ZNF710: variants seen among roughly 807,000 people sequenced by gnomAD.
The protein encoded by ZNF710 is zinc finger protein 710.
ZNF710 carries 13 observed loss-of-function variants against 50.6 expected under a neutral mutation model. The observed-to-expected ratio is 0.26, with a 90% CI of 0.17 to 0.41. ZNF710 has a LOEUF of 0.41. Among genes scored for constraint, ZNF710 ranks in the 10% least tolerant of loss-of-function variants. The pLI is 1.00. For synonymous variants in ZNF710, 383 were observed against 397.0 expected, an observed-to-expected ratio of 0.96 and a Z score of 0.42; for missense variants, 721 against 936.6, an observed-to-expected ratio of 0.77 and a Z score of 3.01.
intron 1 of ZNF710, among the ~76,000 whole-genome samples, chr15:90,015,154 G>C (rs746661433): frequency 2.6e-5 from 4 of 152,132 alleles, no homozygotes; most frequent in Non-Finnish European, 4.4e-5. Context: ...GCCTCCCAAA[G>C]TGCTGGGATT....
chr15:90,038,030 G>A (rs555863603), intron 1 of ZNF710, among the ~76,000 whole-genome samples: 77 of 152,314 alleles, frequency 5.1e-4, no homozygotes, highest in African/African-American at 1.8e-3. Flanking sequence ...TGCTGGGGCC[G>A]CTAAGTGGTG....
At chr15:90,009,260 C>A (rs1381387855) in intron 1 of ZNF710, among the ~76,000 whole-genome samples, 1 of 151,962 alleles carries the variant, frequency 6.6e-6, no homozygotes, top group Non-Finnish European at 1.5e-5. Context: ...AATGTCCTCG[C>A]AAGGACCAAG....
rs771523150 is a variant in ZNF710 at position 90,073,105 on chromosome 15, G to A, written c.1493G>A (p.Arg498Gln). The A allele has an allele frequency of 4.3e-6, 7 of 1,614,054 alleles. No homozygotes were observed. Among genetic ancestry groups the A allele is most frequent in the Non-Finnish European group, 5.1e-6 (6 of 1,180,020 alleles). ...GAGTTCAAGTGCGAGGTGTGTGGCC[G>A]GGAGTTCACCCTACAGGCGAACATG... ...VKEFKCEVCG[R>Q]EFTLQANMKR... is the part of the protein sequence containing the mutation. Residue 498 changes from arginine to glutamine, a missense_variant, in exon 3 of 5, where the codon CGG (arginine) becomes CAG (glutamine). By Grantham distance (43) the Arg-to-Gln change is conservative. Around this residue, in one of 3 missense-constraint regions of ZNF710, gnomAD observed 326 missense variants for 522.0 expected, o/e 0.62. Coordinates refer to ENST00000268154, the MANE Select transcript of ZNF710 (RefSeq NM_198526.4).
intron 1 of ZNF710, among the ~76,000 whole-genome samples, chr15:90,002,289 C>G (rs966633590): frequency 8.6e-5 from 13 of 151,646 alleles, no homozygotes; most frequent in Admixed American, 8.5e-4. Context: ...GGGCCACTGG[C>G]CGCCGCACGC....
At chr15:90,060,415 G>A (rs541141031) in intron 1 of ZNF710, among the ~76,000 whole-genome samples, 4 of 152,246 alleles carry the variant, frequency 2.6e-5, no homozygotes, top group Admixed American at 2.0e-4. Context: ...TTAGACAGGT[G>A]TGGTGGCACA....
intron 1 of ZNF710, among the ~76,000 whole-genome samples, chr15:90,039,671 A>AT (rs556869377): frequency 7.2e-5 from 11 of 152,078 alleles, no homozygotes; most frequent in Non-Finnish European, 1.6e-4. Flanking sequence ...CCCCACCCCT[A>AT]ATGGCCATAA....
rs929247037 is a variant in ZNF710 at position 90,059,617 on chromosome 15, C to T, written c.-28-7493C>T. 6.6e-6 allele frequency among the ~76,000 whole-genome samples: 1 copy of T among 152,158 alleles called. No homozygotes were observed. The highest frequency in any genetic ancestry group is 2.4e-5 in the African/African-American group (1 of 41,436). Reference sequence around the variant, plus strand: ...CAGGATCGCAGGAGGAAGAGACTCTCGAACTTCCCCTGCCCCTCCCCCGTG... The same window carrying T: ...CAGGATCGCAGGAGGAAGAGACTCTTGAACTTCCCCTGCCCCTCCCCCGTG... On this transcript the variant is annotated intron_variant, in intron 1 of 4. Transcript: ENST00000268154. This position sits in a 1 kb window ranked among gnomAD's most constrained non-coding sequence, Gnocchi z 4.1.
intron 1 of ZNF710, among the ~76,000 whole-genome samples, chr15:90,005,323 T>C (rs1898112214): frequency 6.6e-6 from 1 of 152,172 alleles, no homozygotes; most frequent in Admixed American, 6.5e-5. Context: ...GCTGCAGAGT[T>C]GTGCTGTGAG....
chr15:90,068,349 C>T lies in ZNF710; in HGVS notation c.1212C>T (p.Gly404=), dbSNP rs1039101332. The T allele has an allele frequency of 1.2e-6, 2 of 1,612,522 alleles. No homozygotes were observed. The highest frequency in any genetic ancestry group is 2.7e-5 in the African/African-American group (2 of 74,932). ...LKAHEVKHES[G]RCHVCVECGL... ...CCCACGAAGTGAAGCATGAGAGTGG[C>T]CGCTGCCATGTCTGCGTCGAGTGCG... The change falls in exon 2 of 5, where the codon GGC becomes GGT. Residue 404 remains glycine, a synonymous_variant. Transcript: ENST00000268154. The surrounding 1 kb of genome is among the most constrained non-coding windows in gnomAD (Gnocchi z 5.0).
intron 1 of ZNF710, among the ~76,000 whole-genome samples, chr15:90,058,664 A>G (rs1352515524): frequency 1.3e-5 from 2 of 151,280 alleles, no homozygotes; most frequent in Admixed American, 6.6e-5. Flanking sequence ...TCAGGGTTCT[A>G]GAGTAAGAAA....
intron 1 of ZNF710, among the ~76,000 whole-genome samples, chr15:90,058,038 C>A (rs1596293258): frequency 6.6e-6 from 1 of 152,186 alleles, no homozygotes; most frequent in African/African-American, 2.4e-5. Flanking sequence ...TCAGACCCAC[C>A]TCAGCCCTCA....
At position 90,067,578 on chromosome 15, in the gene ZNF710, C is replaced by G. The variant is rs201986890; in HGVS notation, c.441C>G (p.Cys147Trp). 1.2e-6 allele frequency: 2 copies of G among 1,609,652 alleles called. No individual in the cohort carries two copies. Among genetic ancestry groups the G allele is most frequent in the Non-Finnish European group, 1.7e-6 (2 of 1,178,140 alleles). Residue 147 changes from cysteine to tryptophan, a missense_variant, in exon 2 of 5, where the codon TGC (cysteine) becomes TGG (tryptophan). Cys to Trp is a radical substitution (Grantham distance 215, BLOSUM62 -2). Transcript: ENST00000268154. The surrounding 1 kb of genome is among the most constrained non-coding windows in gnomAD (Gnocchi z 8.1). Reference sequence around the variant, plus strand: ...CCGCCGAGGCGGCCAGTGGCGGCTGCGACGCCCTGGTGCAGAGCAGCGCCG... The same window carrying G: ...CCGCCGAGGCGGCCAGTGGCGGCTGGGACGCCCTGGTGCAGAGCAGCGCCG... ...EAPAEAASGGCDALVQSSAVK... is the reference protein window; with the variant it reads ...EAPAEAASGGWDALVQSSAVK...
intron 4 of ZNF710, among the ~76,000 whole-genome samples, chr15:90,079,113 G>A (rs962208160): frequency 1.3e-5 from 2 of 152,192 alleles, no homozygotes; most frequent in Non-Finnish European, 2.9e-5. Context: ...AGGCAGAGCA[G>A]CACAGTGGCT....
At chr15:90,065,506 G>A (rs920331404) in intron 1 of ZNF710, among the ~76,000 whole-genome samples, 1 of 152,332 alleles carries the variant, frequency 6.6e-6, no homozygotes, top group Non-Finnish European at 1.5e-5. Flanking sequence ...CAGGAGAGCC[G>A]GGATGGCTCC....
chr15:90,074,328 TACCA>T, intron 4 of ZNF710, 38 bp downstream of exon 4: 1 of 1,607,064 alleles, frequency 6.2e-7, no homozygotes, highest in Non-Finnish European at 8.5e-7. Flanking sequence ...GCAGGAATGA[TACCA>T]ACATGACGCA....
chr15:90,003,590 C>T (rs887697039), intron 1 of ZNF710, among the ~76,000 whole-genome samples: 1 of 152,170 alleles, frequency 6.6e-6, no homozygotes, highest in Non-Finnish European at 1.5e-5. Context: ...AGAAGAAAAC[C>T]GTTCTTAACT....
At chr15:90,072,195 C>T (rs997194310) in intron 2 of ZNF710, among the ~76,000 whole-genome samples, 2 of 152,186 alleles carry the variant, frequency 1.3e-5, no homozygotes, top group Non-Finnish European at 2.9e-5. Flanking sequence ...GAGTGACCTC[C>T]AAACCGTAGA....
intron 1 of ZNF710, among the ~76,000 whole-genome samples, chr15:90,060,176 A>G (rs904105087): frequency 4.6e-5 from 7 of 150,878 alleles, no homozygotes; most frequent in African/African-American, 1.5e-4. Context: ...ACGCAAGTCA[A>G]CTCCCCAAGG....
rs200147122 is a variant in ZNF710 at position 90,068,620 on chromosome 15, C to A, written c.1458+25C>A. ...GGTAAGGCCGTTCCCAGGGCCTGGG[C>A]ATCTGCCTGCCCCTCCTGCCACTTT... On this transcript the variant is annotated intron_variant, in intron 2 of 4. Coordinates refer to ENST00000268154, the MANE Select transcript of ZNF710 (RefSeq NM_198526.4). The surrounding 1 kb of genome is among the most constrained non-coding windows in gnomAD (Gnocchi z 5.0). 4.5e-6 allele frequency: 7 copies of A among 1,554,276 alleles called. No homozygotes were observed. In the Admixed American group the frequency reaches 7.0e-5, roughly 16 times the overall value.
Sources: gnomAD v4.1 joint callset for allele counts (sites outside exome capture counted in the v4.1 genomes callset) on GRCh38, gnomAD v4.1.1 for gene constraint, gnomAD v4.1.1 regional missense constraint, Gnocchi (gnomAD v3.1) non-coding constraint, MANE v1.5 for transcripts, NCBI Gene and HGNC (gene_info 2026-07-23, HGNC 2026-07-21) for gene names.